The following CHRM3 variants were observed in gnomAD, a reference collection of about 807,000 sequenced individuals.
The protein encoded by CHRM3 is cholinergic receptor muscarinic 3.
Under a neutral mutation model 41.8 loss-of-function variants are expected in CHRM3, and 11 were observed. That is an observed-to-expected ratio of 0.26 (90% CI 0.17 to 0.44). CHRM3 has a LOEUF of 0.44. CHRM3 is among the 20% of genes least tolerant of loss of function. The pLI, the probability that CHRM3 is intolerant of heterozygous loss-of-function variation, is 1.00. For synonymous variants in CHRM3, 297 were observed against 301.4 expected (o/e 0.99, Z 0.15); for missense variants, 571 against 745.4 (o/e 0.77, Z 2.72).
intron 1 of CHRM3, among the ~76,000 whole-genome samples, chr1:239,447,829 G>A (rs968051995): frequency 1.3e-5 from 2 of 152,132 alleles, no homozygotes; most frequent in African/African-American, 2.4e-5. Flanking sequence ...TATTGAGAAG[G>A]CATCATTGAA....
chr1:239,688,350 A>T (rs1475257666), intron 5 of CHRM3, among the ~76,000 whole-genome samples: 1 of 145,812 alleles, frequency 6.9e-6, no homozygotes, highest in Non-Finnish European at 1.5e-5. Context: ...GTGTGTGCAT[A>T]TATATTCCCG....
intron 1 of CHRM3, among the ~76,000 whole-genome samples, chr1:239,404,411 A>AAAG (rs1660346442): frequency 4.3e-5 from 1 of 23,128 alleles, no homozygotes; most frequent in Non-Finnish European, 8.6e-5. Flanking sequence ...AAAGAAAGAA[A>AAAG]AAGAAAGAAA....
At chr1:239,681,957 C>G (rs1250327297) in intron 5 of CHRM3, among the ~76,000 whole-genome samples, 1 of 152,158 alleles carries the variant, frequency 6.6e-6, no homozygotes, top group African/African-American at 2.4e-5. Flanking sequence ...CTTCTTTATT[C>G]TAAATTATTT....
chr1:239,564,561 T>C (rs1661173850), intron 3 of CHRM3, among the ~76,000 whole-genome samples: 1 of 152,196 alleles, frequency 6.6e-6, no homozygotes. Context: ...AATTATTCCA[T>C]TCAAAATACT....
At chr1:239,819,186 C>A (rs908586878) in intron 5 of CHRM3, among the ~76,000 whole-genome samples, 2 of 152,182 alleles carry the variant, frequency 1.3e-5, no homozygotes, top group African/African-American at 4.8e-5. Context: ...CCTTGTTGCA[C>A]CCCTAACCTG....
intron 1 of CHRM3, among the ~76,000 whole-genome samples, chr1:239,424,220 G>A (rs979145146): frequency 6.6e-6 from 1 of 152,158 alleles, no homozygotes. Flanking sequence ...AATGAGTGGT[G>A]TATCCTCCTG....
chr1:239,635,711 T>A (rs575745710), intron 4 of CHRM3, among the ~76,000 whole-genome samples: 1 of 152,342 alleles, frequency 6.6e-6, no homozygotes, highest in East Asian at 1.9e-4. Flanking sequence ...CTGTTTATAT[T>A]TTGTCGTTTA....
At chr1:239,772,513 G>A (rs757103237) in intron 5 of CHRM3, among the ~76,000 whole-genome samples, 7 of 152,208 alleles carry the variant, frequency 4.6e-5, no homozygotes, top group South Asian at 4.2e-4. Context: ...ACAGAAAAAC[G>A]TTGAAGTAAT....
At chr1:239,415,773 T>G (rs1661445512) in intron 1 of CHRM3, among the ~76,000 whole-genome samples, 1 of 152,202 alleles carries the variant, frequency 6.6e-6, no homozygotes, top group African/African-American at 2.4e-5. Flanking sequence ...AACACAATTC[T>G]AATCATATGT....
chr1:239,485,380 C>A (rs534713458), intron 1 of CHRM3, among the ~76,000 whole-genome samples: 20 of 152,256 alleles, frequency 1.3e-4, no homozygotes, highest in African/African-American at 4.6e-4. Flanking sequence ...TCACTGCAGC[C>A]TCAGCTTTCT....
intron 1 of CHRM3, among the ~76,000 whole-genome samples, chr1:239,483,359 A>G (rs1289863483): frequency 6.6e-6 from 1 of 152,206 alleles, no homozygotes; most frequent in Non-Finnish European, 1.5e-5. Context: ...AAAATTAGCT[A>G]ATCATGCTGT....
rs1672535752 is a variant in CHRM3 at position 239,827,321 on chromosome 1, C to T, written c.-77C>T. ...TGTCCTATGCCGGGATCATCATGACCGTAGAGATTATGTCACTGTTTTGCA... is the reference window on the plus strand; with the variant it reads ...TGTCCTATGCCGGGATCATCATGACTGTAGAGATTATGTCACTGTTTTGCA... On this transcript the variant is annotated 5_prime_UTR_variant, in exon 6 of 7. Transcript: ENST00000676153. The T allele has an allele frequency of 6.6e-6, 1 of 152,110 alleles. No homozygotes were observed. Among genetic ancestry groups the T allele is most frequent in the African/African-American group, 2.4e-5 (1 of 41,408 alleles). 9.4% of individuals were successfully genotyped at this position (152,110 alleles called of 1,614,324 possible).
chr1:239,443,864 A>G (rs1385738706), intron 1 of CHRM3, among the ~76,000 whole-genome samples: 3 of 152,226 alleles, frequency 2.0e-5, no homozygotes, highest in Non-Finnish European at 2.9e-5. Flanking sequence ...GAGAAACAGT[A>G]GAAGAGAATT....
intron 5 of CHRM3, among the ~76,000 whole-genome samples, chr1:239,691,581 T>C (rs1031183966): frequency 1.2e-4 from 18 of 152,184 alleles, no homozygotes; most frequent in African/African-American, 4.3e-4. Flanking sequence ...TATATGAAGC[T>C]GTGGCCCTCA....
intron 1 of CHRM3, among the ~76,000 whole-genome samples, chr1:239,489,152 G>A (rs1410121986): frequency 2.6e-5 from 4 of 152,116 alleles, no homozygotes; most frequent in Admixed American, 6.5e-5. Flanking sequence ...GGTGGCTCAC[G>A]CCTGTAATCC....
At chr1:239,664,450 T>TA in intron 4 of CHRM3, among the ~76,000 whole-genome samples, 1 of 152,358 alleles carries the variant, frequency 6.6e-6, no homozygotes, top group Non-Finnish European at 1.5e-5. Flanking sequence ...TTCATTTTTT[T>TA]TATTCTGCAA....
At chr1:239,401,023 G>A (rs1320584225) in intron 1 of CHRM3, among the ~76,000 whole-genome samples, 5 of 152,090 alleles carry the variant, frequency 3.3e-5, no homozygotes, top group Non-Finnish European at 4.4e-5. Flanking sequence ...ATCAGAAGCA[G>A]GAACCAGGCA....
intron 5 of CHRM3, among the ~76,000 whole-genome samples, chr1:239,685,975 AAG>A (rs1491005068): frequency 0.058 from 7,291 of 124,794 alleles, 642 homozygotes; most frequent in African/African-American, 0.2. Context: ...AAAACAAACA[AAG>A]ACAAAAACAA....
At chr1:239,594,003 G>C (rs1320002401) in intron 3 of CHRM3, among the ~76,000 whole-genome samples, 1 of 152,060 alleles carries the variant, frequency 6.6e-6, no homozygotes, top group Non-Finnish European at 1.5e-5. Flanking sequence ...TTATCATCAA[G>C]CATGTAATAC....
Sources: allele counts gnomAD v4.1 joint callset (sites outside exome capture counted in the v4.1 genomes callset), GRCh38; gene constraint gnomAD v4.1.1; transcripts MANE v1.5; gene names NCBI Gene and HGNC (gene_info 2026-07-23, HGNC 2026-07-21).